The following KLF8 variants were observed in gnomAD, a reference collection of about 807,000 sequenced individuals.
KLF8 encodes Krueppel-like factor 8.
A neutral mutation model predicts 18.2 loss-of-function variants in KLF8; 10 were observed. The observed-to-expected ratio is 0.55, with a 90% CI of 0.34 to 0.93. KLF8 has a LOEUF of 0.93. KLF8 is among the 40% of genes least tolerant of loss of function. KLF8 has a pLI of 0.02. For missense variants in KLF8, 264 were observed against 277.9 expected (o/e 0.95, Z 0.36); for synonymous variants, 109 against 97.3 (o/e 1.12, Z -0.71).
chrX:55,948,261 C>G, the KLF8 span, among the ~76,000 whole-genome samples: 3 of 112,191 alleles, frequency 2.7e-5, no homozygotes, highest in Non-Finnish European at 1.9e-5. Flanking sequence ...TTAGGCTTTG[C>G]AGGCCATATG....
the KLF8 span, among the ~76,000 whole-genome samples, chrX:56,144,513 G>C: frequency 9.2e-6 from 1 of 109,160 alleles, no homozygotes; most frequent in Non-Finnish European, 1.9e-5. Flanking sequence ...ACTTTGGGAG[G>C]CCGAGGCGGG....
intron 4 of KLF8, 32 bp from the exon 5 acceptor site, chrX:56,270,150 C>A: frequency 8.5e-7 from 1 of 1,170,895 alleles, no homozygotes; most frequent in Non-Finnish European, 1.1e-6. Flanking sequence ...TTTAAAGTCA[C>A]TGTTTGGCTT....
chrX:55,918,574 A>T, the KLF8 span, among the ~76,000 whole-genome samples: 1 of 112,574 alleles, frequency 8.9e-6, no homozygotes, highest in South Asian at 3.6e-4. Flanking sequence ...TGAAATAAAA[A>T]ATAAAAGTAT....
chrX:56,158,659 A>G, the KLF8 span, among the ~76,000 whole-genome samples: 2 of 111,844 alleles, frequency 1.8e-5, no homozygotes, highest in African/African-American at 3.2e-5. Context: ...GCAATTGTGA[A>G]TGGGAGTTCA....
At chrX:56,131,578 TA>T in the KLF8 span, among the ~76,000 whole-genome samples, 46 of 108,125 alleles carry the variant, frequency 4.3e-4, no homozygotes, top group South Asian at 1.6e-3. Flanking sequence ...AAAATACAAT[TA>T]AAAAAAAAGG....
the KLF8 span, among the ~76,000 whole-genome samples, chrX:55,959,580 A>G: frequency 8.9e-6 from 1 of 112,310 alleles, no homozygotes; most frequent in Non-Finnish European, 1.9e-5. Flanking sequence ...GAAGTAAAGA[A>G]CTCACTACAG....
At chrX:56,026,737 G>A in the KLF8 span, among the ~76,000 whole-genome samples, 1 of 111,414 alleles carries the variant, frequency 9.0e-6, no homozygotes, top group Non-Finnish European at 1.9e-5. Flanking sequence ...CCAAACCTAG[G>A]GACAAGATCT....
At chrX:56,000,529 A>G in the KLF8 span, among the ~76,000 whole-genome samples, 1 of 99,285 alleles carries the variant, frequency 1.0e-5, no homozygotes, top group African/African-American at 3.6e-5. Context: ...ATTACTTATT[A>G]TTGGTCTATG....
the KLF8 span, among the ~76,000 whole-genome samples, chrX:56,060,083 G>T: frequency 9.0e-6 from 1 of 111,570 alleles, no homozygotes; most frequent in African/African-American, 3.3e-5. Context: ...AAGGAGATTT[G>T]GGGCTGAGAT....
the KLF8 span, among the ~76,000 whole-genome samples, chrX:56,051,520 A>T: frequency 1.8e-5 from 2 of 109,884 alleles, no homozygotes; most frequent in South Asian, 3.9e-4. Flanking sequence ...TTTCTCCTTC[A>T]CTTATGAAGC....
intron 2 of KLF8, among the ~76,000 whole-genome samples, chrX:56,259,020 A>C (rs1326860369): frequency 8.9e-6 from 1 of 111,775 alleles, no homozygotes; most frequent in Non-Finnish European, 1.9e-5. Context: ...CCATGCAGTG[A>C]AAGAGCATTT....
At chrX:56,068,210 C>T in the KLF8 span, among the ~76,000 whole-genome samples, 148 of 111,805 alleles carry the variant, frequency 1.3e-3, no homozygotes, top group Non-Finnish European at 1.9e-3. Context: ...TTTTTGTGAA[C>T]TCAGCTGGAT....
At chrX:55,940,062 A>C in the KLF8 span, among the ~76,000 whole-genome samples, 1 of 111,688 alleles carries the variant, frequency 9.0e-6, no homozygotes, top group Non-Finnish European at 1.9e-5. Context: ...AGCCTGGCAG[A>C]GACACAACAA....
At chrX:56,133,611 A>G in the KLF8 span, among the ~76,000 whole-genome samples, 1 of 111,613 alleles carries the variant, frequency 9.0e-6, no homozygotes, top group Non-Finnish European at 1.9e-5. Flanking sequence ...GAAGAAGACA[A>G]GGATGCCCAC....
chrX:56,196,503 C>T, the KLF8 span, among the ~76,000 whole-genome samples: 2 of 111,868 alleles, frequency 1.8e-5, no homozygotes, highest in East Asian at 2.8e-4. Context: ...ACAAAGAAGG[C>T]CATTACATAA....
At chrX:56,105,123 C>T in the KLF8 span, among the ~76,000 whole-genome samples, 2 of 111,579 alleles carry the variant, frequency 1.8e-5, no homozygotes, top group African/African-American at 3.3e-5. Context: ...CTGAGGAGTG[C>T]TTTACTTCCA....
the KLF8 span, among the ~76,000 whole-genome samples, chrX:56,005,029 GATTATTATT>G: frequency 0.088 from 8,810 of 99,972 alleles, 968 homozygotes; most frequent in African/African-American, 0.3. Flanking sequence ...TATCCTTTAT[GATTATTATT>G]ATTATTATTA....
chrX:56,029,756 C>T, the KLF8 span, among the ~76,000 whole-genome samples: 13 of 111,816 alleles, frequency 1.2e-4, no homozygotes, highest in East Asian at 1.4e-3. Context: ...ACATTGGTTA[C>T]GCTGCAGACG....
At chrX:56,176,495 T>A in the KLF8 span, among the ~76,000 whole-genome samples, 1 of 111,996 alleles carries the variant, frequency 8.9e-6, no homozygotes, top group African/African-American at 3.2e-5. Flanking sequence ...TGGGCTTCCC[T>A]TTGTGGGTAA....
Sources: allele counts gnomAD v4.1 joint callset (sites outside exome capture counted in the v4.1 genomes callset), GRCh38; gene constraint gnomAD v4.1.1; transcripts MANE v1.5; gene names NCBI Gene and HGNC (gene_info 2026-07-23, HGNC 2026-07-21).